NF1: variants seen among roughly 807,000 people sequenced by gnomAD.
NF1 encodes the protein neurofibromin 1, also known as neurofibromin.
A neutral mutation model predicts 325.7 loss-of-function variants in NF1; 122 were observed. That is an observed-to-expected ratio of 0.37 (90% CI 0.32 to 0.44). The LOEUF (loss-of-function observed/expected upper bound fraction) is 0.44, where lower values mean the gene tolerates loss of function less well. Among genes scored for constraint, NF1 ranks in the 20% least tolerant of loss-of-function variants. The probability of loss-of-function intolerance (pLI) is 1.00; values close to 1 mark genes in which losing one functional copy is unlikely to be tolerated. For missense variants in NF1, 2,140 were observed against 3,415.4 expected, an observed-to-expected ratio of 0.63 and a Z score of 9.31; for synonymous variants, 1,091 against 1,186.0, an observed-to-expected ratio of 0.92 and a Z score of 1.65.
Position 31,095,270 on chromosome 17 carries a change from C to G in NF1, c.-40C>G, listed in dbSNP as rs2143143254. On this transcript the variant is annotated 5_prime_UTR_variant, in exon 1 of 58. Transcript: ENST00000358273. ...CCCTCTTCCCGGCCCAGGGCGCCGG[C>G]CCACCCTTCCCTCCGCCGCCCCCCG... The G allele has an allele frequency of 6.5e-7, 1 of 1,529,690 alleles. No individual in the cohort carries two copies. The highest frequency in any genetic ancestry group is 1.2e-5 in the South Asian group (1 of 83,806). The allele number at this position is 1,529,690 out of a possible 1,614,324, so 94.8% of individuals were successfully genotyped here.
At chr17:31,114,409 G>T (rs1913710741) in intron 1 of NF1, among the ~76,000 whole-genome samples, 1 of 151,884 alleles carries the variant, frequency 6.6e-6, no homozygotes, top group Non-Finnish European at 1.5e-5. Context: ...GTGGTGGCGG[G>T]TACCTGTAGT....
At chr17:31,148,105 T>G (rs1916700986) in intron 1 of NF1, among the ~76,000 whole-genome samples, 1 of 152,220 alleles carries the variant, frequency 6.6e-6, no homozygotes, top group South Asian at 2.1e-4. Flanking sequence ...CTTCAGTAGC[T>G]CTCTGAATTC....
At chr17:31,163,081 G>A in intron 3 of NF1, 105 bp from the exon 4 acceptor site, 1 of 982,370 alleles carries the variant, frequency 1.0e-6, no homozygotes. Context: ...GTGTATGTAA[G>A]GTGTTCATTA....
intron 1 of NF1, among the ~76,000 whole-genome samples, chr17:31,150,394 A>G (rs1448171360): frequency 6.6e-6 from 1 of 152,066 alleles, no homozygotes; most frequent in Middle Eastern, 3.2e-3. Context: ...CCACCAGTAC[A>G]ATTTGTGTTT....
At position 31,201,596 on chromosome 17, in the gene NF1, G is replaced by T. The variant is rs17879170; in HGVS notation, c.1260+111G>T. 8 of 794,378 alleles carry T rather than the reference G, an allele frequency of 1.0e-5. No homozygotes were observed. In the Admixed American group the frequency reaches 1.8e-4, roughly 18 times the overall value. The allele number at this position is 794,378 out of a possible 1,614,324, so 49.2% of individuals were successfully genotyped here. ...GGTTTTCAAAAAGGTTCTGAATTTAGATGTATGAAATAGGAAAATTTCTCC... is the reference window on the plus strand; with the variant it reads ...GGTTTTCAAAAAGGTTCTGAATTTATATGTATGAAATAGGAAAATTTCTCC... On this transcript the variant is annotated intron_variant, in intron 11 of 57. Coordinates refer to ENST00000358273, the MANE Select transcript of NF1 (RefSeq NM_001042492.3).
At chr17:31,178,584 C>T (rs912558571) in intron 5 of NF1, among the ~76,000 whole-genome samples, 1 of 152,156 alleles carries the variant, frequency 6.6e-6, no homozygotes, top group Non-Finnish European at 1.5e-5. Flanking sequence ...GATAAAGAGT[C>T]AAGACCCATC....
At chr17:31,098,933 GA>G (rs556393516) in intron 1 of NF1, among the ~76,000 whole-genome samples, 146 of 100,356 alleles carry the variant, frequency 1.5e-3, no homozygotes, top group Middle Eastern at 4.7e-3. Context: ...CTCCATCTCA[GA>G]AAAAAAAAAA....
intron 36 of NF1, chr17:31,318,943 A>G (rs780621299): frequency 2.5e-6 from 4 of 1,613,870 alleles, no homozygotes; most frequent in South Asian, 1.1e-5. Context: ...TCCAGGAGAC[A>G]AAGAAAAAAC....
intron 39 of NF1, 55 bp downstream of exon 39, chr17:31,330,553 A>G (rs761199790): frequency 7.5e-7 from 1 of 1,336,222 alleles, no homozygotes; most frequent in Admixed American, 1.9e-5. Flanking sequence ...GAATTCAAAG[A>G]AAACCCTTTC....
At position 31,374,467 on chromosome 17, in the gene NF1, A is replaced by C. The variant is rs1744535569; in HGVS notation, c.*312A>C. On this transcript the variant is annotated 3_prime_UTR_variant, in exon 58 of 58. Transcript: ENST00000358273. The stretch of plus-strand genomic sequence containing the variant: ...GAAATCTCAATTGTAAGAGAGGATG[A>C]ATTCTTGAATACTGCTACTACTGGC... The C allele has an allele frequency of 4.3e-6, 2 of 463,986 alleles. No individual in the cohort carries two copies. The highest frequency in any genetic ancestry group is 8.0e-6 in the Non-Finnish European group (2 of 251,164). The allele number at this position is 463,986 out of a possible 1,614,324, so 28.7% of individuals were successfully genotyped here.
At chr17:31,294,619 G>C (rs1412236231) in intron 36 of NF1, 2 of 206,924 alleles carry the variant, frequency 9.7e-6, no homozygotes, top group Non-Finnish European at 2.0e-5. Context: ...TGCTAAAGTT[G>C]GTATGACTGG....
chr17:31,280,034 T>C (rs574238210), intron 36 of NF1, among the ~76,000 whole-genome samples: 1 of 152,236 alleles, frequency 6.6e-6, no homozygotes, highest in South Asian at 2.1e-4. Context: ...TACATCTGAT[T>C]AGTCATTAAG....
At chr17:31,141,658 C>T (rs1189836001) in intron 1 of NF1, among the ~76,000 whole-genome samples, 4 of 152,142 alleles carry the variant, frequency 2.6e-5, no homozygotes, top group African/African-American at 7.2e-5. Flanking sequence ...AAACAACAGA[C>T]ATTTATTATC....
At chr17:31,344,762 A>G (rs2069926556) in intron 48 of NF1, among the ~76,000 whole-genome samples, 1 of 152,252 alleles carries the variant, frequency 6.6e-6, no homozygotes, top group Non-Finnish European at 1.5e-5. Flanking sequence ...TAAAGTGCTT[A>G]ATTATTCTTT....
At chr17:31,337,990 G>A (rs1278288930) in intron 44 of NF1, 35 bp from the exon 45 acceptor site, 10 of 1,565,868 alleles carry the variant, frequency 6.4e-6, no homozygotes, top group Middle Eastern at 1.7e-4. Context: ...TAAACACAAA[G>A]GTTTTTATAA....
At chr17:31,174,858 C>T (rs1444248409) in intron 5 of NF1, among the ~76,000 whole-genome samples, 2 of 152,068 alleles carry the variant, frequency 1.3e-5, no homozygotes, top group Non-Finnish European at 2.9e-5. Context: ...CACCTGTAAT[C>T]CCAGCACTTT....
rs567178500 is a variant in NF1 at position 31,220,717 on chromosome 17, A to G, written c.1642-1133A>G. On this transcript the variant is annotated intron_variant, in intron 14 of 57. Transcript: ENST00000358273. ...AAACATGGAAAATACAAAAAAAAGA[A>G]GGCAATATGAAAAGAAAATTAAAGC... 1.4e-3 allele frequency among the ~76,000 whole-genome samples: 209 copies of G among 152,304 alleles called. 1 individual carries two copies. The highest frequency in any genetic ancestry group is 4.7e-3 in the African/African-American group (195 of 41,582).
chr17:31,367,296 CATCTT>C (rs2070543882), intron 57 of NF1: 14 of 1,301,092 alleles, frequency 1.1e-5, no homozygotes, highest in African/African-American at 1.5e-5. Flanking sequence ...TTATTTTCAT[CATCTT>C]TGCACGAAAA....
chr17:31,323,000 C>T (rs2069250715), intron 36 of NF1, among the ~76,000 whole-genome samples: 1 of 152,158 alleles, frequency 6.6e-6, no homozygotes, highest in African/African-American at 2.4e-5. Flanking sequence ...GTCATACCAC[C>T]CTTTCTTTAA....
Sources: gnomAD v4.1 joint callset for allele counts (sites outside exome capture counted in the v4.1 genomes callset) on GRCh38, gnomAD v4.1.1 for gene constraint, MANE v1.5 for transcripts, NCBI Gene and HGNC (gene_info 2026-07-23, HGNC 2026-07-21) for gene names.